The following SLC35F4 variants were observed in gnomAD, a reference collection of about 807,000 sequenced individuals.
SLC35F4 encodes the protein solute carrier family 35 member F4.
In SLC35F4, 24 loss-of-function variants were observed where a neutral mutation model predicts 44.2. The observed-to-expected ratio is 0.54, with a 90% confidence interval of 0.39 to 0.76. SLC35F4 has a LOEUF of 0.76. Among genes scored for constraint, SLC35F4 ranks in the 30% least tolerant of loss-of-function variants. The pLI, the probability that SLC35F4 is intolerant of heterozygous loss-of-function variation, is 0.00. For synonymous variants in SLC35F4, 238 were observed against 223.6 expected, an observed-to-expected ratio of 1.06 and a Z score of -0.57; for missense variants, 562 against 586.1, an observed-to-expected ratio of 0.96 and a Z score of 0.42.
chr14:57,705,824 A>C (rs1729646702), intron 1 of SLC35F4, among the ~76,000 whole-genome samples: 1 of 152,206 alleles, frequency 6.6e-6, no homozygotes, highest in African/African-American at 2.4e-5. Flanking sequence ...TGGGAAACTA[A>C]CATACTGTCA....
At chr14:57,732,908 T>A (rs927460568) in intron 1 of SLC35F4, among the ~76,000 whole-genome samples, 6 of 152,186 alleles carry the variant, frequency 3.9e-5, no homozygotes, top group Non-Finnish European at 7.4e-5. Context: ...CACTGCCTTT[T>A]GAAAACAAAC....
chr14:57,894,622 T>A (rs1193780543), intron 1 of SLC35F4, among the ~76,000 whole-genome samples: 1 of 152,186 alleles, frequency 6.6e-6, no homozygotes, highest in Non-Finnish European at 1.5e-5. Flanking sequence ...TGTGTACTTT[T>A]CTATAAATAT....
chr14:57,592,881 G>C (rs1214579976), intron 2 of SLC35F4, among the ~76,000 whole-genome samples: 1 of 151,950 alleles, frequency 6.6e-6, no homozygotes, highest in Non-Finnish European at 1.5e-5. Flanking sequence ...TTATTTTGGT[G>C]GTGTATTTTG....
intron 1 of SLC35F4, among the ~76,000 whole-genome samples, chr14:57,849,884 T>C (rs186785021): frequency 4.9e-4 from 75 of 152,182 alleles, no homozygotes; most frequent in African/African-American, 1.6e-3. Context: ...AGCAAAAGAA[T>C]ACACACACAC....
intron 1 of SLC35F4, among the ~76,000 whole-genome samples, chr14:57,781,125 C>G (rs2077609996): frequency 2.0e-5 from 3 of 152,056 alleles, no homozygotes; most frequent in Admixed American, 2.0e-4. Context: ...ACAGAGTAAA[C>G]AGACAACCTA....
At chr14:57,755,952 C>T (rs1216151780) in intron 1 of SLC35F4, among the ~76,000 whole-genome samples, 1 of 152,164 alleles carries the variant, frequency 6.6e-6, no homozygotes, top group African/African-American at 2.4e-5. Context: ...CTGTTCAACA[C>T]GTTATTATCA....
At chr14:57,721,379 T>G (rs1329034593) in intron 1 of SLC35F4, among the ~76,000 whole-genome samples, 1 of 152,158 alleles carries the variant, frequency 6.6e-6, no homozygotes, top group East Asian at 1.9e-4. Context: ...AGGAACATAA[T>G]GAAGTTGGTT....
Position 57,640,118 on chromosome 14 carries a change from G to A in SLC35F4, c.104-45994C>T, listed in dbSNP as rs188021576. On this transcript the variant is annotated intron_variant, in intron 1 of 7. Transcript: ENST00000556826. The stretch of plus-strand genomic sequence containing the variant: ...AATCTAGAAAGGCAGGCACAAGAGG[G>A]AAGAGAGGGTTAAAGTTTCTCTCCA... Among the ~76,000 whole-genome samples the A allele has an allele frequency of 3.3e-5, 5 of 152,004 alleles. No homozygotes were observed. The East Asian group carries it at 9.7e-4, about 29-fold the overall frequency.
In SLC35F4 at chr14:57,653,418, T is replaced by C. The variant is rs571816398; in HGVS notation, c.104-59294A>G. Among the ~76,000 whole-genome samples the C allele has an allele frequency of 9.2e-5, 14 of 152,268 alleles. No individual in the cohort carries two copies. The East Asian group carries it at 2.1e-3, about 23-fold the overall frequency. The stretch of plus-strand genomic sequence containing the variant: ...AAAGAAGCAAGTGCCTGGGGAGTAA[T>C]GGAGTCTGTGTTATCACTCACTTTA... On this transcript the variant is annotated intron_variant, in intron 1 of 7. Coordinates refer to ENST00000556826, the MANE Select transcript of SLC35F4 (RefSeq NM_001306087.2).
chr14:57,973,564 A>T (rs1881117922), downstream of SLC35F4, among the ~76,000 whole-genome samples: 1 of 152,200 alleles, frequency 6.6e-6, no homozygotes, highest in Admixed American at 6.5e-5. Flanking sequence ...CACCCGGGGA[A>T]TAAATGTTGT....
chr14:57,581,621 C>A (rs1259173011), intron 3 of SLC35F4, among the ~76,000 whole-genome samples, 188 bp from the exon 4 acceptor site: 2 of 152,256 alleles, frequency 1.3e-5, no homozygotes, highest in African/African-American at 2.4e-5. Context: ...TGGAAAATAG[C>A]CCACATGTGC....
intron 1 of SLC35F4, among the ~76,000 whole-genome samples, chr14:57,772,439 T>C (rs1304268465): frequency 6.6e-6 from 1 of 152,150 alleles, no homozygotes; most frequent in Non-Finnish European, 1.5e-5. Context: ...TATTGCATAC[T>C]GGTGGGGATT....
intron 1 of SLC35F4, among the ~76,000 whole-genome samples, chr14:57,684,799 T>A (rs2075019928): frequency 6.6e-6 from 1 of 152,174 alleles, no homozygotes. Flanking sequence ...TTTCCAGGCA[T>A]CCCCTCATCT....
At chr14:57,645,695 T>C (rs1434176304) in intron 1 of SLC35F4, among the ~76,000 whole-genome samples, 3 of 151,310 alleles carry the variant, frequency 2.0e-5, no homozygotes, top group Non-Finnish European at 4.4e-5. Flanking sequence ...ATCCCTGTCT[T>C]GTGCCAGTTT....
intron 1 of SLC35F4, among the ~76,000 whole-genome samples, chr14:57,618,760 G>T (rs180887683): frequency 6.6e-6 from 1 of 152,124 alleles, no homozygotes; most frequent in Non-Finnish European, 1.5e-5. Context: ...GGTCCCACCC[G>T]CACAGAACCC....
At chr14:57,905,747 A>T (rs1004395312) in intron 1 of SLC35F4, among the ~76,000 whole-genome samples, 2 of 152,180 alleles carry the variant, frequency 1.3e-5, no homozygotes, top group African/African-American at 4.8e-5. Flanking sequence ...AGTTAAAGAA[A>T]GATGCTTTTA....
In SLC35F4 at chr14:57,865,741, C is replaced by G. The variant is rs1298877875; in HGVS notation, c.85G>C (p.Gly29Arg). ...RITGYYGYYP[G>R]YSSQKSTSRS... The stretch of plus-strand genomic sequence containing the variant: ...GTCTTACTTTTCTGGCTGGAGTAAC[C>G]TGGATAATAGCCATAGTAGCCGGTG... Residue 29 changes from glycine to arginine, a missense_variant, in exon 1 of 8, where the codon GGT (glycine) becomes CGT (arginine). By Grantham distance (125) the Gly-to-Arg change is moderately radical (BLOSUM62 -2). Coordinates refer to ENST00000556826, the MANE Select transcript of SLC35F4 (RefSeq NM_001306087.2). 5 of 1,522,756 alleles carry G rather than the reference C, an allele frequency of 3.3e-6. No individual in the cohort carries two copies. The highest frequency in any genetic ancestry group is 4.4e-6 in the Non-Finnish European group (5 of 1,141,404). The allele number at this position is 1,522,756 out of a possible 1,614,324, so 94.3% of individuals were successfully genotyped here. A position where few individuals can be genotyped will look rare whatever the true frequency, so the allele number is the denominator to read the frequency against.
intron 1 of SLC35F4, among the ~76,000 whole-genome samples, chr14:57,754,824 G>A (rs1364081673): frequency 1.3e-5 from 2 of 152,210 alleles, no homozygotes; most frequent in Non-Finnish European, 2.9e-5. Context: ...GCAGAGACAC[G>A]TAGGAAAGCA....
intron 1 of SLC35F4, among the ~76,000 whole-genome samples, chr14:57,876,888 T>C (rs8017565): frequency 0.31 from 46,503 of 152,092 alleles, 10,980 homozygotes; most frequent in African/African-American, 0.65. Flanking sequence ...AAATGATTAT[T>C]CCTAATGAGG....
Sources: allele counts gnomAD v4.1 joint callset (sites outside exome capture counted in the v4.1 genomes callset), GRCh38; gene constraint gnomAD v4.1.1; transcripts MANE v1.5; gene names NCBI Gene and HGNC (gene_info 2026-07-23, HGNC 2026-07-21).